The following PARN variants were observed in gnomAD, a reference collection of about 807,000 sequenced individuals.
PARN encodes poly(A)-specific ribonuclease PARN.
PARN carries 71 observed loss-of-function variants against 102.8 expected under a neutral mutation model. The ratio of observed to expected loss-of-function variants is 0.69; its 90% CI spans 0.57 to 0.84. The LOEUF (loss-of-function observed/expected upper bound fraction) is 0.84. Among genes scored for constraint, PARN ranks in the 40% least tolerant of loss-of-function variants. The pLI is 0.00. For missense variants in PARN, 782 were observed against 760.9 expected, an observed-to-expected ratio of 1.03 and a Z score of -0.33; for synonymous variants, 261 against 252.9, an observed-to-expected ratio of 1.03 and a Z score of -0.30.
intron 5 of PARN, among the ~76,000 whole-genome samples, chr16:14,624,156 A>G (rs948605837): frequency 2.6e-5 from 4 of 152,124 alleles, no homozygotes; most frequent in African/African-American, 9.7e-5. Context: ...AACATATTAA[A>G]TTGTTGTATC....
intron 21 of PARN, among the ~76,000 whole-genome samples, chr16:14,520,330 G>A (rs1965671966): frequency 6.6e-6 from 1 of 152,134 alleles, no homozygotes; most frequent in Non-Finnish European, 1.5e-5. Flanking sequence ...CATGACATTT[G>A]TGAGATAACT....
Position 14,444,855 on chromosome 16 carries a change from T to C in PARN, c.1864+2033A>G, listed in dbSNP as rs148628702. Among the ~76,000 whole-genome samples, 304 of 152,338 alleles carry C rather than the reference T, an allele frequency of 2.0e-3. 2 individuals are homozygous for C. Among genetic ancestry groups the C allele is most frequent in the African/African-American group, 7.1e-3 (295 of 41,584 alleles). On this transcript the variant is annotated intron_variant, in intron 23 of 23. Transcript: ENST00000437198. ...CTTTTCTTGAGACAAGGTCTCACTG[T>C]GTCCCCCAGGTTGGAGTGCACTGAT... is the stretch of plus-strand genomic sequence containing the variant.
At chr16:14,594,288 C>T (rs1451122236) in intron 12 of PARN, among the ~76,000 whole-genome samples, 1 of 152,164 alleles carries the variant, frequency 6.6e-6, no homozygotes, top group Non-Finnish European at 1.5e-5. Flanking sequence ...GCTGGCAGCC[C>T]TCTTCGTGCA....
intron 23 of PARN, among the ~76,000 whole-genome samples, chr16:14,440,015 AAAC>A (rs554595692): frequency 1.3e-4 from 19 of 151,920 alleles, no homozygotes; most frequent in African/African-American, 2.9e-4. Flanking sequence ...ACTGTCTCGA[AAAC>A]AACAACAACA....
intron 9 of PARN, 122 bp from the exon 10 acceptor site, chr16:14,606,648 A>G: frequency 1.9e-6 from 1 of 529,864 alleles, no homozygotes; most frequent in Non-Finnish European, 3.4e-6. Context: ...AATAATTATC[A>G]CTACAATGGA....
chr16:14,516,338 A>C (rs1261708881), intron 21 of PARN, among the ~76,000 whole-genome samples: 1 of 152,198 alleles, frequency 6.6e-6, no homozygotes. Context: ...AACTCAAGAA[A>C]ACTTTGCTCA....
At chr16:14,527,876 C>T (rs758670612) in intron 21 of PARN, among the ~76,000 whole-genome samples, 18 of 152,166 alleles carry the variant, frequency 1.2e-4, no homozygotes, top group African/African-American at 2.2e-4. Context: ...GAAAAGGAGC[C>T]GTGTTTACAG....
At chr16:14,593,783 G>A (rs1403900409) in intron 12 of PARN, among the ~76,000 whole-genome samples, 1 of 152,076 alleles carries the variant, frequency 6.6e-6, no homozygotes, top group Non-Finnish European at 1.5e-5. Flanking sequence ...GATCACCTGA[G>A]GTCAGTAGTT....
At chr16:14,483,841 T>G (rs1448046548) in intron 21 of PARN, among the ~76,000 whole-genome samples, 1 of 152,212 alleles carries the variant, frequency 6.6e-6, no homozygotes, top group Non-Finnish European at 1.5e-5. Context: ...ATGCATTTTT[T>G]TGTATTTATC....
At chr16:14,621,284 G>A (rs1387189625) in intron 5 of PARN, among the ~76,000 whole-genome samples, 1 of 152,118 alleles carries the variant, frequency 6.6e-6, no homozygotes, top group Non-Finnish European at 1.5e-5. Flanking sequence ...AACTGTGGAA[G>A]GCATTTTTGT....
At chr16:14,596,580 AT>A (rs1228962127) in intron 12 of PARN, among the ~76,000 whole-genome samples, 1 of 151,658 alleles carries the variant, frequency 6.6e-6, no homozygotes, top group Non-Finnish European at 1.5e-5. Context: ...CACAAAAAAA[AT>A]ATATATATAA....
At chr16:14,621,577 C>G (rs1042411568) in intron 5 of PARN, among the ~76,000 whole-genome samples, 1 of 152,070 alleles carries the variant, frequency 6.6e-6, no homozygotes. Context: ...CTTTGGGAGG[C>G]GAGGCAGGCA....
intron 22 of PARN, among the ~76,000 whole-genome samples, chr16:14,454,446 G>A (rs1259020749): frequency 6.6e-6 from 1 of 152,154 alleles, no homozygotes; most frequent in African/African-American, 2.4e-5. Context: ...TTTCTTTTAT[G>A]GCTCATGCTT....
chr16:14,605,129 A>C (rs1206806330), intron 10 of PARN, among the ~76,000 whole-genome samples: 1 of 151,734 alleles, frequency 6.6e-6, no homozygotes, highest in Non-Finnish European at 1.5e-5. Flanking sequence ...TTTTTAGTAG[A>C]GACGGAGTTT....
At chr16:14,514,839 G>A (rs1187964390) in intron 21 of PARN, among the ~76,000 whole-genome samples, 1 of 152,194 alleles carries the variant, frequency 6.6e-6, no homozygotes, top group African/African-American at 2.4e-5. Context: ...CTGAGGACCT[G>A]TGGAGTATGG....
intron 12 of PARN, among the ~76,000 whole-genome samples, chr16:14,595,840 A>G (rs115272088): frequency 0.046 from 6,892 of 150,682 alleles, 164 homozygotes; most frequent in African/African-American, 0.059. Context: ...CAATTTTTAC[A>G]TTTTTTGTAG....
intron 6 of PARN, among the ~76,000 whole-genome samples, chr16:14,615,485 C>T (rs920653316): frequency 6.6e-6 from 1 of 152,234 alleles, no homozygotes; most frequent in Admixed American, 6.6e-5. Context: ...AATACCCAAA[C>T]TGTATTGCTC....
chr16:14,577,228 A>G (rs1969199202), intron 18 of PARN, among the ~76,000 whole-genome samples: 1 of 152,198 alleles, frequency 6.6e-6, no homozygotes, highest in Non-Finnish European at 1.5e-5. Context: ...ATTTTTCTAA[A>G]ATCATCAGCT....
intron 13 of PARN, chr16:14,592,137 G>A (rs1187078276): frequency 6.6e-6 from 1 of 152,230 alleles, no homozygotes; most frequent in East Asian, 1.9e-4. Flanking sequence ...AGTCAAAACT[G>A]ATGCTAAAAA....
Sources: gnomAD v4.1 joint callset for allele counts (sites outside exome capture counted in the v4.1 genomes callset) on GRCh38, gnomAD v4.1.1 for gene constraint, MANE v1.5 for transcripts, NCBI Gene and HGNC (gene_info 2026-07-23, HGNC 2026-07-21) for gene names.